SLC31A1: variants seen among roughly 807,000 people sequenced by gnomAD.
SLC31A1 encodes the protein solute carrier family 31 member 1, also known as high affinity copper uptake protein 1.
Under a neutral mutation model 17.2 loss-of-function variants are expected in SLC31A1, and 5 were observed. The ratio of observed to expected loss-of-function variants is 0.29; its 90% CI spans 0.15 to 0.61. SLC31A1 has a LOEUF of 0.61. SLC31A1 is among the 20% of genes least tolerant of loss of function. The pLI, the probability that SLC31A1 is intolerant of heterozygous loss-of-function variation, is 0.86. For missense variants in SLC31A1, 161 were observed against 241.4 expected (o/e 0.67, Z 2.21); for synonymous variants, 76 against 78.8 (o/e 0.96, Z 0.19).
intron 1 of SLC31A1, among the ~76,000 whole-genome samples, chr9:113,239,376 C>G (rs2118995009): frequency 6.6e-6 from 1 of 152,266 alleles, no homozygotes; most frequent in African/African-American, 2.4e-5. Context: ...GATGATTCTT[C>G]TCATCTTCCT....
chr9:113,248,562 A>G (rs1831611079), intron 1 of SLC31A1, among the ~76,000 whole-genome samples: 3 of 133,816 alleles, frequency 2.2e-5, no homozygotes, highest in Admixed American at 8.9e-5. Flanking sequence ...ATGGCCTCCC[A>G]GGTTCAAGTG....
chr9:113,236,672 C>A (rs2118992161), intron 1 of SLC31A1, among the ~76,000 whole-genome samples: 1 of 152,282 alleles, frequency 6.6e-6, no homozygotes, highest in South Asian at 2.1e-4. Context: ...CTCACTGAAA[C>A]TATTCTTATA....
intron 1 of SLC31A1, among the ~76,000 whole-genome samples, chr9:113,232,170 C>G (rs1451119278): frequency 2.6e-5 from 4 of 152,124 alleles, no homozygotes; most frequent in Non-Finnish European, 5.9e-5. Context: ...CCACAGAATA[C>G]ATGGTTCTAT....
chr9:113,223,138 G>A (rs1244844358), intron 1 of SLC31A1: 2 of 343,128 alleles, frequency 5.8e-6, no homozygotes, highest in Non-Finnish European at 1.2e-5. Context: ...TATCCTGGAT[G>A]TTTAAGTAGC....
chr9:113,260,209 C>G (rs1831775821), intron 4 of SLC31A1, 63 bp from the exon 5 acceptor site: 7 of 1,454,144 alleles, frequency 4.8e-6, no homozygotes, highest in Non-Finnish European at 6.8e-6. Flanking sequence ...ACTCTTCCCT[C>G]TTTCTCCTGA....
chr9:113,226,208 G>A (rs778492474), intron 1 of SLC31A1, among the ~76,000 whole-genome samples: 6 of 151,910 alleles, frequency 3.9e-5, no homozygotes, highest in Non-Finnish European at 8.8e-5. Flanking sequence ...GCAGTTGTCA[G>A]TTAAGTTAGT....
intron 1 of SLC31A1, among the ~76,000 whole-genome samples, chr9:113,224,017 T>C (rs1831314907): frequency 6.6e-6 from 1 of 152,248 alleles, no homozygotes; most frequent in South Asian, 2.1e-4. Context: ...AACGAACACA[T>C]AAACATTCTT....
At chr9:113,236,877 C>T (rs753854308) in intron 1 of SLC31A1, among the ~76,000 whole-genome samples, 1 of 152,152 alleles carries the variant, frequency 6.6e-6, no homozygotes, top group Non-Finnish European at 1.5e-5. Flanking sequence ...CACCAATTCC[C>T]CTTGCCTGGG....
At chr9:113,257,808 A>C (rs1205883736) in intron 3 of SLC31A1, among the ~76,000 whole-genome samples, 1 of 152,076 alleles carries the variant, frequency 6.6e-6, no homozygotes, top group African/African-American at 2.4e-5. Flanking sequence ...TACTTATTTG[A>C]TAAGTTATTA....
chr9:113,244,742 T>TTTG (rs2119002121), intron 1 of SLC31A1, among the ~76,000 whole-genome samples: 1 of 152,218 alleles, frequency 6.6e-6, no homozygotes, highest in South Asian at 2.1e-4. Flanking sequence ...AAATCTAAGA[T>TTTG]TTGTATGTGG....
At chr9:113,238,482 C>T (rs1221889791) in intron 1 of SLC31A1, among the ~76,000 whole-genome samples, 1 of 152,164 alleles carries the variant, frequency 6.6e-6, no homozygotes, top group Non-Finnish European at 1.5e-5. Context: ...GATTTTAAGG[C>T]TGGGTGCGGT....
intron 1 of SLC31A1, among the ~76,000 whole-genome samples, chr9:113,251,436 A>T (rs1474250955): frequency 1.3e-5 from 2 of 152,080 alleles, no homozygotes; most frequent in Non-Finnish European, 2.9e-5. Flanking sequence ...AATAAAAAAT[A>T]AAAAATAAAA....
chr9:113,247,684 CTA>C (rs1346495751), intron 1 of SLC31A1, among the ~76,000 whole-genome samples: 1 of 152,118 alleles, frequency 6.6e-6, no homozygotes, highest in Non-Finnish European at 1.5e-5. Flanking sequence ...ACACTCTTGA[CTA>C]TAAGGAGGTT....
At chr9:113,244,939 G>A (rs150497670) in intron 1 of SLC31A1, among the ~76,000 whole-genome samples, 1,721 of 151,952 alleles carry the variant, frequency 0.011, 32 homozygotes, top group African/African-American at 0.039. Flanking sequence ...TTTTTTTCTT[G>A]TTGACCTGAC....
chr9:113,257,334 G>C, intron 3 of SLC31A1, 149 bp downstream of exon 3: 2 of 741,024 alleles, frequency 2.7e-6, no homozygotes, highest in Non-Finnish European at 4.8e-6. Flanking sequence ...TTCCTACCTA[G>C]AAGGTAGGAA....
At position 113,221,619 on chromosome 9, in the gene SLC31A1, G is replaced by C. The variant is rs1012568123; in HGVS notation, c.-95G>C. ...GGAGGGGCCGTTCGAAGAGTCGTGAGGGGGTGACGGGTTAAGATTCGGAGA... is the reference window on the plus strand; with the variant it reads ...GGAGGGGCCGTTCGAAGAGTCGTGACGGGGTGACGGGTTAAGATTCGGAGA... On this transcript the variant is annotated 5_prime_UTR_variant, in exon 1 of 5. Transcript: ENST00000374212. The C allele has an allele frequency of 1.1e-5, 4 of 378,438 alleles. No homozygotes were observed. The highest frequency in any genetic ancestry group is 8.8e-4 in the Middle Eastern group (1 of 1,142). The allele number at this position is 378,438 out of a possible 1,614,324, so 23.4% of individuals were successfully genotyped here. A position where few individuals can be genotyped will look rare whatever the true frequency, so the allele number is the denominator to read the frequency against.
intron 2 of SLC31A1, 96 bp downstream of exon 2, chr9:113,256,373 G>C (rs1292825794): frequency 9.0e-6 from 13 of 1,438,864 alleles, no homozygotes; most frequent in Non-Finnish European, 1.1e-5. Context: ...TATCTTTAAA[G>C]GTCAGTTTAC....
chr9:113,227,049 TAG>T (rs1028362913), intron 1 of SLC31A1, among the ~76,000 whole-genome samples: 1 of 152,188 alleles, frequency 6.6e-6, no homozygotes, highest in African/African-American at 2.4e-5. Context: ...TTCTTATGGT[TAG>T]AGTTTCATCA....
chr9:113,223,540 A>C (rs1831310297), intron 1 of SLC31A1, among the ~76,000 whole-genome samples: 1 of 152,174 alleles, frequency 6.6e-6, no homozygotes, highest in Non-Finnish European at 1.5e-5. Flanking sequence ...AGTAAGGCAC[A>C]ACCTTGATCT....
Sources: gnomAD v4.1 joint callset for allele counts (sites outside exome capture counted in the v4.1 genomes callset) on GRCh38, gnomAD v4.1.1 for gene constraint, MANE v1.5 for transcripts, NCBI Gene and HGNC (gene_info 2026-07-23, HGNC 2026-07-21) for gene names.